ZFYVE9: variants seen among roughly 807,000 people sequenced by gnomAD.
ZFYVE9 encodes the protein zinc finger FYVE-type containing 9.
ZFYVE9 carries 43 observed loss-of-function variants against 126.7 expected under a neutral mutation model. The observed-to-expected ratio is 0.34, with a 90% CI of 0.27 to 0.44. The LOEUF is 0.44. Among genes scored for constraint, ZFYVE9 ranks in the 20% least tolerant of loss-of-function variants. The pLI is 1.00. For missense variants in ZFYVE9, 1,476 were observed against 1,697.0 expected, an observed-to-expected ratio of 0.87 and a Z score of 2.29; for synonymous variants, 521 against 597.4, an observed-to-expected ratio of 0.87 and a Z score of 1.87.
intron 12 of ZFYVE9, among the ~76,000 whole-genome samples, chr1:52,301,624 G>C (rs12069341): frequency 1.3e-5 from 2 of 152,186 alleles, no homozygotes; most frequent in South Asian, 4.2e-4. Flanking sequence ...AGTTTCAAAA[G>C]CTTTTTAAAA....
In ZFYVE9 at chr1:52,346,155, C is replaced by T. The variant is rs1230042875; in HGVS notation, c.4212C>T (p.Ala1404=). The change falls in exon 19 of 19, where the codon GCC becomes GCT. Residue 1404 remains alanine (A), a synonymous_variant. Coordinates refer to ENST00000287727, the MANE Select transcript of ZFYVE9 (RefSeq NM_004799.4). ...SALVPVIHGG[A]CQLSEGPVVM... is the part of the protein sequence containing the mutation. The stretch of plus-strand genomic sequence containing the variant: ...TGGTGCCGGTGATCCATGGAGGGGC[C>T]TGCCAGCTTAGTGAGGGCCCCGTTG... 5.6e-6 allele frequency: 9 copies of T among 1,613,260 alleles called. No individual in the cohort carries two copies. The highest frequency in any genetic ancestry group is 6.8e-6 in the Non-Finnish European group (8 of 1,179,370).
intron 16 of ZFYVE9, among the ~76,000 whole-genome samples, chr1:52,339,759 A>G (rs1340341926): frequency 1.3e-5 from 2 of 152,220 alleles, no homozygotes; most frequent in African/African-American, 2.4e-5. Flanking sequence ...ATCATTACAG[A>G]GTCAGGAGCA....
intron 4 of ZFYVE9, among the ~76,000 whole-genome samples, chr1:52,251,817 A>G (rs1371608726): frequency 6.6e-6 from 1 of 152,148 alleles, no homozygotes; most frequent in Non-Finnish European, 1.5e-5. Context: ...CATCTGATCT[A>G]GGGCTTTACT....
chr1:52,228,509 TAG>T (rs939025674), intron 2 of ZFYVE9, among the ~76,000 whole-genome samples: 6 of 152,162 alleles, frequency 3.9e-5, no homozygotes, highest in African/African-American at 1.2e-4. Context: ...ATCCTTCAGC[TAG>T]AGTTATCAGT....
At chr1:52,205,651 T>C (rs929834201) in intron 1 of ZFYVE9, among the ~76,000 whole-genome samples, 5 of 152,010 alleles carry the variant, frequency 3.3e-5, no homozygotes, top group Admixed American at 2.6e-4. Flanking sequence ...GGGTTACAGG[T>C]GTGAACCACC....
chr1:52,334,655 T>G, intron 14 of ZFYVE9, 33 bp from the exon 15 acceptor site: 1 of 1,603,292 alleles, frequency 6.2e-7, no homozygotes, highest in Non-Finnish European at 8.5e-7. Context: ...GCTTAGGGTC[T>G]GTCTTACTAA....
chr1:52,174,720 A>G (rs1227203305), intron 1 of ZFYVE9, among the ~76,000 whole-genome samples: 1 of 152,158 alleles, frequency 6.6e-6, no homozygotes, highest in Non-Finnish European at 1.5e-5. Flanking sequence ...TAGGATAGTT[A>G]GCTCTTCTTG....
At chr1:52,157,394 C>CTTTTTTTTTTTTTTTTTTTT (rs71579908) in intron 1 of ZFYVE9, among the ~76,000 whole-genome samples, 2 of 58,444 alleles carry the variant, frequency 3.4e-5, no homozygotes, top group Non-Finnish European at 5.6e-5. Context: ...ACCATATTCT[C>CTTTTTTTTTTTTTTTTTTTT]TTTTTTTTTT....
At chr1:52,203,097 ACTC>A (rs1644939613) in intron 1 of ZFYVE9, among the ~76,000 whole-genome samples, 1 of 150,426 alleles carries the variant, frequency 6.6e-6, no homozygotes, top group African/African-American at 2.5e-5. Context: ...TGGTTTCTTC[ACTC>A]CTCTTTCTCC....
intron 2 of ZFYVE9, among the ~76,000 whole-genome samples, chr1:52,226,044 T>C (rs781600190): frequency 2.6e-5 from 4 of 152,184 alleles, no homozygotes; most frequent in Non-Finnish European, 4.4e-5. Flanking sequence ...AGGCGGTGTC[T>C]GATTTATGTA....
intron 4 of ZFYVE9, among the ~76,000 whole-genome samples, chr1:52,263,103 G>GA (rs1645596111): frequency 7.0e-6 from 1 of 142,596 alleles, no homozygotes; most frequent in Non-Finnish European, 1.5e-5. Context: ...AAAAAGAAAA[G>GA]AAATCTTAAC....
At chr1:52,279,356 G>T (rs1338451340) in intron 9 of ZFYVE9, among the ~76,000 whole-genome samples, 1 of 152,160 alleles carries the variant, frequency 6.6e-6, no homozygotes, top group African/African-American at 2.4e-5. Flanking sequence ...TTTAGGAAAA[G>T]TGTTAACTAA....
chr1:52,166,451 GTT>G (rs1644514508), intron 1 of ZFYVE9, among the ~76,000 whole-genome samples: 2 of 152,268 alleles, frequency 1.3e-5, no homozygotes, highest in South Asian at 4.2e-4. Context: ...CTGTTTAAAA[GTT>G]TTTATAAATT....
chr1:52,146,292 A>G (rs1194938567), intron 1 of ZFYVE9, among the ~76,000 whole-genome samples: 1 of 152,174 alleles, frequency 6.6e-6, no homozygotes, highest in African/African-American at 2.4e-5. Context: ...CTCCACAGAT[A>G]CAGAGAGACA....
chr1:52,231,065 A>G (rs1557469555), intron 2 of ZFYVE9, among the ~76,000 whole-genome samples: 1 of 152,210 alleles, frequency 6.6e-6, no homozygotes, highest in East Asian at 1.9e-4. Flanking sequence ...TAAATATTGT[A>G]GGTGTATATT....
chr1:52,323,863 CT>C (rs1646264560), intron 13 of ZFYVE9, among the ~76,000 whole-genome samples: 1 of 141,344 alleles, frequency 7.1e-6, no homozygotes, highest in Non-Finnish European at 1.5e-5. Flanking sequence ...ACCACCCTGA[CT>C]AACGTGGTGA....
chr1:52,331,157 C>T (rs1421449480), intron 13 of ZFYVE9, among the ~76,000 whole-genome samples: 3 of 152,102 alleles, frequency 2.0e-5, no homozygotes. Flanking sequence ...GTGTGAGCCA[C>T]CGGGCCTGGC....
intron 1 of ZFYVE9, among the ~76,000 whole-genome samples, chr1:52,151,547 G>A (rs753558774): frequency 1.3e-5 from 2 of 149,830 alleles, no homozygotes; most frequent in African/African-American, 2.5e-5. Flanking sequence ...ATGGGGTCTC[G>A]CTCTGTCATC....
rs1644575936 is a variant in ZFYVE9, at chr1:52,171,973, T to A, written c.-143+29570T>A. 3.9e-5 allele frequency among the ~76,000 whole-genome samples: 6 copies of A among 152,294 alleles called. No individual in the cohort carries two copies. In the South Asian group the frequency reaches 1.2e-3, roughly 32 times the overall value. On this transcript the variant is annotated intron_variant, in intron 1 of 18. Coordinates refer to ENST00000287727, the MANE Select transcript of ZFYVE9 (RefSeq NM_004799.4). Reference sequence around the variant, plus strand: ...GTTGCCTGTTCACTCTGATGGTAGTTTCTTTTGCTGTGCAGAAGCTCTTTA... The same window carrying A: ...GTTGCCTGTTCACTCTGATGGTAGTATCTTTTGCTGTGCAGAAGCTCTTTA...
Sources: allele counts gnomAD v4.1 joint callset (sites outside exome capture counted in the v4.1 genomes callset), GRCh38; gene constraint gnomAD v4.1.1; transcripts MANE v1.5; gene names NCBI Gene and HGNC (gene_info 2026-07-23, HGNC 2026-07-21).